Variants in ZNF385D observed in about 807,000 individuals in gnomAD.
ZNF385D encodes the protein zinc finger protein 385D, also known as zinc finger protein 659.
In ZNF385D, 15 loss-of-function variants were observed where a neutral mutation model predicts 35.8. The observed-to-expected ratio is 0.42, with a 90% confidence interval of 0.28 to 0.64. ZNF385D has a LOEUF of 0.64. Among genes scored for constraint, ZNF385D ranks in the 30% least tolerant of loss-of-function variants. ZNF385D has a pLI of 0.23. For missense variants in ZNF385D, 474 were observed against 494.6 expected (o/e 0.96, Z 0.39); for synonymous variants, 212 against 186.8 (o/e 1.13, Z -1.10).
chr3:21,992,958 T>C (rs1695233602), intron 3 of ZNF385D, among the ~76,000 whole-genome samples: 1 of 152,192 alleles, frequency 6.6e-6, no homozygotes, highest in Non-Finnish European at 1.5e-5. Context: ...ATTGTACAAA[T>C]CGTCAAATCA....
chr3:22,226,126 CA>C (rs796451510), intron 2 of ZNF385D, among the ~76,000 whole-genome samples: 57 of 141,786 alleles, frequency 4.0e-4, no homozygotes, highest in African/African-American at 7.0e-4. Context: ...TGGAACTAAA[CA>C]AAAAAAAAAA....
At chr3:21,737,983 T>C (rs2069328049) in intron 1 of ZNF385D, among the ~76,000 whole-genome samples, 1 of 152,230 alleles carries the variant, frequency 6.6e-6, no homozygotes, top group Non-Finnish European at 1.5e-5. Context: ...GTCACAATTT[T>C]GGAGAATTAC....
chr3:22,050,746 G>A (rs1468613884), intron 3 of ZNF385D, among the ~76,000 whole-genome samples: 1 of 152,120 alleles, frequency 6.6e-6, no homozygotes, highest in Admixed American at 6.5e-5. Context: ...AATTCATTGT[G>A]TATTATGTAT....
chr3:22,157,975 C>T (rs1237462493), intron 3 of ZNF385D, among the ~76,000 whole-genome samples: 5 of 152,050 alleles, frequency 3.3e-5, no homozygotes, highest in African/African-American at 4.8e-5. Flanking sequence ...TCTAATCTCA[C>T]GTATTTTTAA....
At chr3:21,812,267 C>T (rs1559646982) in intron 3 of ZNF385D, among the ~76,000 whole-genome samples, 2 of 152,244 alleles carry the variant, frequency 1.3e-5, no homozygotes, top group African/African-American at 4.8e-5. Flanking sequence ...CTCCAGTCTA[C>T]AGCTCCCAGC....
At chr3:21,510,217 A>G (rs1707098246) in intron 4 of ZNF385D, among the ~76,000 whole-genome samples, 1 of 152,176 alleles carries the variant, frequency 6.6e-6, no homozygotes, top group South Asian at 2.1e-4. Context: ...AGCTTCCCCT[A>G]TTATGAATAA....
intron 2 of ZNF385D, among the ~76,000 whole-genome samples, chr3:21,586,040 TAC>T (rs10571982): frequency 0.57 from 76,723 of 135,700 alleles, 19,737 homozygotes; most frequent in African/African-American, 0.62. Context: ...TACAAATACA[TAC>T]ACACACACAC....
In ZNF385D at chr3:21,713,837, T is replaced by C. The variant is rs181860507; in HGVS notation, c.22+37058A>G. Among the ~76,000 whole-genome samples, 974 of 152,270 alleles carry C rather than the reference T, an allele frequency of 6.4e-3. 9 individuals carry two copies. Among genetic ancestry groups the C allele is most frequent in the South Asian group, 9.7e-3 (47 of 4,826 alleles). The stretch of plus-strand genomic sequence containing the variant: ...TTTACTAGAATCTCAGTTTCAAACA[T>C]CCTATTCTTCAAACACCACCTTTTT... On this transcript the variant is annotated intron_variant, in intron 1 of 7. Transcript: ENST00000281523.
intron 1 of ZNF385D, among the ~76,000 whole-genome samples, chr3:21,748,415 A>T (rs1441263948): frequency 1.9e-5 from 2 of 105,378 alleles, no homozygotes; most frequent in Non-Finnish European, 3.5e-5. Context: ...CTTCAGCTAT[A>T]TTTGAAGGGG....
chr3:21,565,047 T>C (rs902427436), intron 2 of ZNF385D, among the ~76,000 whole-genome samples: 1 of 152,216 alleles, frequency 6.6e-6, no homozygotes, highest in Admixed American at 6.6e-5. Flanking sequence ...TCTATACCAT[T>C]GCCCAAAAAT....
chr3:22,091,385 G>A (rs1339504947), intron 3 of ZNF385D, among the ~76,000 whole-genome samples: 2 of 152,168 alleles, frequency 1.3e-5, no homozygotes, highest in African/African-American at 4.8e-5. Flanking sequence ...GATTTCAACA[G>A]GGATAACAGG....
At chr3:21,992,167 G>A (rs901683177) in intron 3 of ZNF385D, among the ~76,000 whole-genome samples, 13 of 151,878 alleles carry the variant, frequency 8.6e-5, no homozygotes, top group Non-Finnish European at 1.3e-4. Context: ...CTCTAACCAA[G>A]CAATACCATA....
intron 3 of ZNF385D, among the ~76,000 whole-genome samples, chr3:21,881,606 G>A (rs1384052467): frequency 2.6e-5 from 4 of 151,982 alleles, no homozygotes; most frequent in African/African-American, 9.7e-5. Context: ...AACATAAGAT[G>A]CATTCTGCAA....
chr3:22,018,259 C>T (rs946616825), intron 3 of ZNF385D, among the ~76,000 whole-genome samples: 1 of 150,932 alleles, frequency 6.6e-6, no homozygotes, highest in Non-Finnish European at 1.5e-5. Flanking sequence ...AAGAATTTTT[C>T]GAAAATAACT....
intron 3 of ZNF385D, among the ~76,000 whole-genome samples, chr3:21,550,717 G>A (rs771013015): frequency 1.1e-4 from 16 of 152,246 alleles, no homozygotes; most frequent in African/African-American, 1.7e-4. Flanking sequence ...TCCTGACCTC[G>A]TGATCCACCT....
rs539880031 is a variant in ZNF385D, at chr3:22,239,115, A to G, written c.107-70080T>C. Among the ~76,000 whole-genome samples the G allele has an allele frequency of 4.2e-4, 63 of 151,194 alleles. 4 individuals carry two copies. Among genetic ancestry groups the G allele is most frequent in the African/African-American group, 1.4e-3 (56 of 40,960 alleles). On this transcript the variant is annotated intron_variant, in intron 2 of 5. Coordinates refer to the ZNF385D transcript ENST00000494108. Reference sequence around the variant, plus strand: ...CCAAAGCCTTAACTCACAAAAACCTAAGACAAAAATATATGATAACACGAA... The same window carrying G: ...CCAAAGCCTTAACTCACAAAAACCTGAGACAAAAATATATGATAACACGAA...
At chr3:22,111,194 A>G (rs1702511734) in intron 3 of ZNF385D, among the ~76,000 whole-genome samples, 1 of 102,828 alleles carries the variant, frequency 9.7e-6, no homozygotes, top group Admixed American at 1.3e-4. Context: ...TTGTACTCTC[A>G]GGAGACTGTT....
intron 2 of ZNF385D, among the ~76,000 whole-genome samples, chr3:21,632,209 G>T (rs1262353948): frequency 1.3e-5 from 2 of 152,074 alleles, no homozygotes; most frequent in Non-Finnish European, 2.9e-5. Flanking sequence ...CCTATTTTTA[G>T]TGGTAGAGAG....
At chr3:22,197,750 C>A (rs1343626907) in intron 2 of ZNF385D, among the ~76,000 whole-genome samples, 1 of 152,102 alleles carries the variant, frequency 6.6e-6, no homozygotes, top group African/African-American at 2.4e-5. Flanking sequence ...GATTCTGGGA[C>A]TCATGACCCT....
Sources: allele counts gnomAD v4.1 joint callset (sites outside exome capture counted in the v4.1 genomes callset), GRCh38; gene constraint gnomAD v4.1.1; transcripts MANE v1.5; gene names NCBI Gene and HGNC (gene_info 2026-07-23, HGNC 2026-07-21).